The following C4BPB variants were observed in gnomAD, a reference collection of about 807,000 sequenced individuals.
C4BPB encodes C4b-binding protein beta chain.
C4BPB carries 19 observed loss-of-function variants against 26.6 expected under a neutral mutation model. The observed-to-expected ratio is 0.71, with a 90% confidence interval of 0.50 to 1.05. The LOEUF (loss-of-function observed/expected upper bound fraction) is 1.05. Ranked by LOEUF, C4BPB falls within the 50% of genes least tolerant of loss-of-function variation. The probability of loss-of-function intolerance (pLI) is 0.00; values close to 1 mark genes in which losing one functional copy is unlikely to be tolerated. For synonymous variants in C4BPB, 118 were observed against 103.5 expected (o/e 1.14, Z -0.85); for missense variants, 282 against 302.9 (o/e 0.93, Z 0.51).
Position 207,092,866 on chromosome 1 carries a change from C to A in C4BPB, c.409+1046C>A, listed in dbSNP as rs1448708337. Among the ~76,000 whole-genome samples, 3 of 152,014 alleles carry A rather than the reference C, an allele frequency of 2.0e-5. No homozygotes were observed. The East Asian group carries it at 5.8e-4, about 29-fold the overall frequency. ...GGTCTTGAACTCCTGATCTCGTGAT[C>A]CACCCACCTCGGCCTCCTAAAGTGC... is the stretch of plus-strand genomic sequence containing the variant. On this transcript the variant is annotated intron_variant, in intron 4 of 6. Coordinates refer to ENST00000367078, the MANE Select transcript of C4BPB (RefSeq NM_001017365.3).
chr1:207,097,863 CT>C, intron 5 of C4BPB: 1 of 256,244 alleles, frequency 3.9e-6, no homozygotes, highest in South Asian at 8.8e-5. Flanking sequence ...GCTTCTATCA[CT>C]CTCCCCACCC....
In C4BPB at chr1:207,099,838, T is replaced by C. The variant is rs377286640; in HGVS notation, c.668T>C (p.Met223Thr). 1.7e-5 allele frequency: 28 copies of C among 1,613,986 alleles called. No homozygotes were observed. In the East Asian group the frequency reaches 3.1e-4, roughly 18 times the overall value. The change falls in exon 7 of 7, where the codon ATG becomes ACG. Residue 223 changes from methionine (M) to threonine (T), a missense_variant. Coordinates refer to ENST00000367078, the MANE Select transcript of C4BPB (RefSeq NM_001017365.3). ...KNLCEAMENF[M>T]QQLKESGMTM... ...CTCTGCGAAGCCATGGAGAACTTTA[T>C]GCAACAATTAAAGGAAAGTGGCATG... is the stretch of plus-strand genomic sequence containing the variant.
At chr1:207,096,272 A>G in intron 4 of C4BPB, 1 of 473,150 alleles carries the variant, frequency 2.1e-6, no homozygotes, top group South Asian at 2.3e-5. Context: ...AATACTCCCA[A>G]ATCCCTACTA....
rs1558074537 is a variant in C4BPB, at chr1:207,089,629, G to A, written c.58+40G>A. The A allele has an allele frequency of 7.6e-6, 12 of 1,578,972 alleles. No homozygotes were observed. In the Admixed American group the frequency reaches 2.0e-4, roughly 26 times the overall value. ...CTTCAACTCAGCTTACAGGCATTTG[G>A]TGTCCTTTTGCGGTGTTTTGAGGAA... On this transcript the variant is annotated intron_variant, in intron 2 of 6. Transcript: ENST00000367078.
chr1:207,096,514 T>C lies in C4BPB; in HGVS notation c.410-8T>C, dbSNP rs1457835155. The C allele has an allele frequency of 1.3e-6, 2 of 1,561,094 alleles. No individual in the cohort carries two copies. The stretch of plus-strand genomic sequence containing the variant: ...CATAACTATGACTTCTATACTCGTT[T>C]CTCTCAGGGGACTGTGACCCTCCTG... On this transcript the variant is annotated splice_region_variant and splice_polypyrimidine_tract_variant and intron_variant, in intron 4 of 6. Coordinates refer to ENST00000367078, the MANE Select transcript of C4BPB (RefSeq NM_001017365.3).
chr1:207,090,175 A>G lies in C4BPB; in HGVS notation c.59-133A>G, dbSNP rs747405512. The G allele has an allele frequency of 2.7e-4, 186 of 688,178 alleles. 5 individuals carry two copies. The highest frequency in any genetic ancestry group is 2.3e-3 in the South Asian group (109 of 47,740). The allele number at this position is 688,178 out of a possible 1,614,324, so 42.6% of individuals were successfully genotyped here. A position where few individuals can be genotyped will look rare whatever the true frequency, so the allele number is the denominator to read the frequency against. On this transcript the variant is annotated intron_variant, in intron 2 of 6. Coordinates refer to ENST00000367078, the MANE Select transcript of C4BPB (RefSeq NM_001017365.3). ...AGTCCCGGCTACTTGGGAGTAGAAT[A>G]CAGAGTACTTGGGAAGAGCACAGGA...
intron 3 of C4BPB, among the ~76,000 whole-genome samples, chr1:207,091,141 T>A (rs1179563441): frequency 6.6e-6 from 1 of 152,232 alleles, no homozygotes; most frequent in Non-Finnish European, 1.5e-5. Context: ...AGTTCTCTTG[T>A]ATACCTAGAG....
Position 207,098,238 on chromosome 1 carries a change from C to T in C4BPB, c.592C>T (p.Pro198Ser), listed in dbSNP as rs1803226. Residue 198 changes from proline (P) to serine (S), a missense_variant, in exon 6 of 7, where the codon CCC becomes TCC. Transcript: ENST00000367078. ...AGTCTGCAAGTTGATCCAGGAAGCTCCCAAACCAGAGTGTGAGAAGGCACT... is the reference window on the plus strand; with the variant it reads ...AGTCTGCAAGTTGATCCAGGAAGCTTCCAAACCAGAGTGTGAGAAGGCACT... ...LPVCKLIQEA[P>S]KPECEKALLA... The T allele has an allele frequency of 6.2e-7, 1 of 1,613,314 alleles. No individual in the cohort carries two copies. Among genetic ancestry groups the T allele is most frequent in the South Asian group, 1.1e-5 (1 of 91,056 alleles).
Position 207,090,466 on chromosome 1 carries a change from A to C in C4BPB, c.217A>C (p.Thr73Pro). 3 of 1,610,646 alleles carry C rather than the reference A, an allele frequency of 1.9e-6. No individual in the cohort carries two copies. The highest frequency in any genetic ancestry group is 1.3e-5 in the African/African-American group (1 of 74,774). The change falls in exon 3 of 7, where the codon ACT becomes CCT. Residue 73 changes from threonine (T) to proline (P), a missense_variant. By Grantham distance (38) the Thr-to-Pro change is conservative. Coordinates refer to ENST00000367078, the MANE Select transcript of C4BPB (RefSeq NM_001017365.3). ...CNASKEWDNT[T>P]TECRLGHCPD... ...TGCCTCTAAGGAGTGGGATAACACCACTACTGAGTGCCGCTGTAAGTTAGA... is the reference window on the plus strand; with the variant it reads ...TGCCTCTAAGGAGTGGGATAACACCCCTACTGAGTGCCGCTGTAAGTTAGA...
At chr1:207,097,370 G>A (rs191091209) in intron 5 of C4BPB, among the ~76,000 whole-genome samples, 2 of 151,164 alleles carry the variant, frequency 1.3e-5, no homozygotes, top group African/African-American at 2.4e-5. Flanking sequence ...GGGTCACCAC[G>A]CTTGGCTAAT....
chr1:207,093,391 T>C (rs1684120307), intron 4 of C4BPB, among the ~76,000 whole-genome samples: 2 of 152,224 alleles, frequency 1.3e-5, no homozygotes, highest in South Asian at 4.1e-4. Context: ...ATACTTGCCG[T>C]ATTAGATAGT....
chr1:207,098,702 T>C (rs1217598940), intron 6 of C4BPB, among the ~76,000 whole-genome samples: 1 of 152,220 alleles, frequency 6.6e-6, no homozygotes, highest in Non-Finnish European at 1.5e-5. Flanking sequence ...AATGATTATA[T>C]AACTCACCAT....
intron 4 of C4BPB, among the ~76,000 whole-genome samples, chr1:207,092,982 C>T (rs1360876319): frequency 1.3e-5 from 2 of 151,924 alleles, no homozygotes; most frequent in Non-Finnish European, 2.9e-5. Flanking sequence ...TCACAGGATG[C>T]TATTATTTGC....
At position 207,090,364 on chromosome 1, in the gene C4BPB, G is replaced by A. The variant is rs1572751623; in HGVS notation, c.115G>A (p.Val39Met). 6.2e-7 allele frequency: 1 copy of A among 1,614,018 alleles called. No homozygotes were observed. The highest frequency in any genetic ancestry group is 8.5e-7 in the Non-Finnish European group (1 of 1,179,930). The change falls in exon 3 of 7, where the codon GTG becomes ATG. Residue 39 changes from valine to methionine, a missense_variant. By Grantham distance (21) the Val-to-Met change is conservative. Transcript: ENST00000367078. The stretch of plus-strand genomic sequence containing the variant: ...CAATAGCATATTTGTCGCAAAGGAG[G>A]TGGAAGGACAGATTCTGGGGACTTA... ...VDNSIFVAKE[V>M]EGQILGTYVC...
At position 207,091,756 on chromosome 1, in the gene C4BPB, C is replaced by A. The variant is rs777244001; in HGVS notation, c.345C>A (p.Gly115=). The A allele has an allele frequency of 6.2e-7, 1 of 1,613,966 alleles. No homozygotes were observed. The highest frequency in any genetic ancestry group is 1.3e-5 in the African/African-American group (1 of 74,910). Reference sequence around the variant, plus strand: ...GCAATGACCACTACATCCTCAAGGGCAGCAATCGGAGCCAGTGTCTAGAGG... The same window carrying A: ...GCAATGACCACTACATCCTCAAGGGAAGCAATCGGAGCCAGTGTCTAGAGG... ...FMCNDHYILK[G]SNRSQCLEDH... Residue 115 remains glycine (G), a synonymous_variant, in exon 4 of 7, where the codon GGC becomes GGA. Transcript: ENST00000367078.
At position 207,099,779 on chromosome 1, in the gene C4BPB, C is replaced by G. The variant is rs2102318986; in HGVS notation, c.619-10C>G. The G allele has an allele frequency of 6.2e-7, 1 of 1,606,468 alleles. No individual in the cohort carries two copies. The highest frequency in any genetic ancestry group is 1.1e-5 in the South Asian group (1 of 89,572). On this transcript the variant is annotated splice_polypyrimidine_tract_variant and intron_variant, in intron 6 of 6. Transcript: ENST00000367078. ...TATGTTGTAACTTGTGAAAAATTTT[C>G]TTTCTTCAGCTTGCCTTTCAGGAGA...
At chr1:207,092,727 T>C (rs1358129035) in intron 4 of C4BPB, among the ~76,000 whole-genome samples, 1 of 151,378 alleles carries the variant, frequency 6.6e-6, no homozygotes, top group Non-Finnish European at 1.5e-5. Context: ...GCCCAGGTTC[T>C]AGCGATTCTG....
chr1:207,096,214 G>T, intron 4 of C4BPB: 1 of 334,484 alleles, frequency 3.0e-6, no homozygotes, highest in South Asian at 3.0e-5. Context: ...TTAACAATTA[G>T]CTTCTCTACA....
chr1:207,090,467 C>G lies in C4BPB; in HGVS notation c.218C>G (p.Thr73Ser). The stretch of plus-strand genomic sequence containing the variant: ...GCCTCTAAGGAGTGGGATAACACCA[C>G]TACTGAGTGCCGCTGTAAGTTAGAT... The part of the protein sequence containing the change: ...CNASKEWDNT[T>S]TECRLGHCPD... Residue 73 changes from threonine (T) to serine (S), a missense_variant, in exon 3 of 7, where the codon ACT (threonine) becomes AGT (serine). Transcript: ENST00000367078. The G allele has an allele frequency of 1.2e-6, 2 of 1,610,014 alleles. No homozygotes were observed. Among genetic ancestry groups the G allele is most frequent in the South Asian group, 1.1e-5 (1 of 90,480 alleles).
Sources: gnomAD v4.1 joint callset for allele counts (sites outside exome capture counted in the v4.1 genomes callset) on GRCh38, gnomAD v4.1.1 for gene constraint, MANE v1.5 for transcripts, NCBI Gene and HGNC (gene_info 2026-07-23, HGNC 2026-07-21) for gene names.